Variants in TOPORS observed in about 807,000 individuals in gnomAD.
TOPORS encodes TOP1 binding arginine/serine rich protein, E3 ubiquitin ligase, also known as E3 ubiquitin-protein ligase Topors.
Under a neutral mutation model 81.4 loss-of-function variants are expected in TOPORS, and 25 were observed. The ratio of observed to expected loss-of-function variants is 0.31; its 90% CI spans 0.22 to 0.43. The LOEUF (loss-of-function observed/expected upper bound fraction) is 0.43. Among genes scored for constraint, TOPORS ranks in the 20% least tolerant of loss-of-function variants. TOPORS has a pLI of 1.00. For missense variants in TOPORS, 1,101 were observed against 1,267.0 expected (o/e 0.87, Z 1.99); for synonymous variants, 473 against 456.6 (o/e 1.04, Z -0.46).
At chr9:32,545,685 CA>C (rs1182702472) in intron 2 of TOPORS, among the ~76,000 whole-genome samples, 1 of 151,998 alleles carries the variant, frequency 6.6e-6, no homozygotes, top group African/African-American at 2.4e-5. Context: ...CGCTTGAACC[CA>C]GGAGGCAGAG....
At chr9:32,551,166 G>A in intron 1 of TOPORS, 198 bp from the exon 2 acceptor site, 2 of 666,444 alleles carry the variant, frequency 3.0e-6, no homozygotes, top group Non-Finnish European at 5.3e-6. Context: ...GACCCCGGAG[G>A]AGGGCAGCGC....
intron 2 of TOPORS, 95 bp from the exon 3 acceptor site, chr9:32,544,421 T>C: frequency 7.9e-7 from 1 of 1,272,782 alleles, no homozygotes; most frequent in Non-Finnish European, 1.1e-6. Flanking sequence ...GAAACTTATT[T>C]TGGTGAAAAT....
intron 2 of TOPORS, among the ~76,000 whole-genome samples, chr9:32,547,025 G>A (rs1159074802): frequency 7.2e-6 from 1 of 139,718 alleles, no homozygotes. Context: ...GTGACAGAAT[G>A]AGACCCTGTT....
intron 1 of TOPORS, 157 bp downstream of exon 1, chr9:32,552,277 G>T (rs1285759743): frequency 1.9e-6 from 2 of 1,051,444 alleles, no homozygotes; most frequent in Non-Finnish European, 2.9e-6. Context: ...CCCAACTCCG[G>T]GCGGAAGAGG....
At position 32,549,155 on chromosome 9, in the gene TOPORS, A is replaced by G. The variant is rs557533429; in HGVS notation, c.198+1619T>C. ...AAACCGTCTCTACTAAAAATACAAAAAATTAGCTGGGCGTAGCGACGGGCG... is the reference window on the plus strand; with the variant it reads ...AAACCGTCTCTACTAAAAATACAAAGAATTAGCTGGGCGTAGCGACGGGCG... On this transcript the variant is annotated intron_variant, in intron 2 of 2. Transcript: ENST00000360538. 2.0e-5 allele frequency among the ~76,000 whole-genome samples: 3 copies of G among 152,146 alleles called. No individual in the cohort carries two copies. The East Asian group carries it at 5.8e-4, about 29-fold the overall frequency.
rs1476337003 is a variant in TOPORS at position 32,543,252 on chromosome 9, A to T, written c.1273T>A (p.Tyr425Asn). 1.2e-5 allele frequency: 19 copies of T among 1,613,662 alleles called. No homozygotes were observed. Among genetic ancestry groups the T allele is most frequent in the Non-Finnish European group, 1.4e-5 (16 of 1,180,038 alleles). ...PWDDETPGPSYSSSEQVHVTM... is the reference protein window; with the variant it reads ...PWDDETPGPSNSSSEQVHVTM... The stretch of plus-strand genomic sequence containing the variant: ...ACGTGTACCTGCTCTGAGCTTGAGT[A>T]AGATGGTCCTGGAGTTTCATCATCC... The change falls in exon 3 of 3, where the codon TAC becomes AAC. Residue 425 changes from tyrosine (Y) to asparagine (N), a missense_variant. Transcript: ENST00000360538. This position sits in a 1 kb window ranked among gnomAD's most constrained non-coding sequence, Gnocchi z 5.6.
chr9:32,548,999 A>C (rs1745978050), intron 2 of TOPORS, among the ~76,000 whole-genome samples: 1 of 152,126 alleles, frequency 6.6e-6, no homozygotes, highest in Non-Finnish European at 1.5e-5. Context: ...TGTAGAATTA[A>C]AGTTAGACTT....
At position 32,542,529 on chromosome 9, in the gene TOPORS, T is replaced by G. The variant is rs1303738539; in HGVS notation, c.1996A>C (p.Ser666Arg). Residue 666 changes from serine to arginine, a missense_variant, in exon 3 of 3, where the codon AGC becomes CGC. This residue lies in a region of TOPORS where 605 missense variants were observed against 636.1 expected (regional missense o/e 0.95). Coordinates refer to ENST00000360538, the MANE Select transcript of TOPORS (RefSeq NM_005802.5). ...CTACGAGACCTTGATCTGCTTGTGC[T>G]TTCACTACTTAGAGACAGAGTTTGG... ...RSQTLSLSSE[S>R]TSRSRSRSSD... 1.9e-6 allele frequency: 3 copies of G among 1,614,030 alleles called. No individual in the cohort carries two copies. The East Asian group carries it at 6.7e-5, about 36-fold the overall frequency.
At chr9:32,548,271 C>G (rs1821168292) in intron 2 of TOPORS, among the ~76,000 whole-genome samples, 2 of 151,582 alleles carry the variant, frequency 1.3e-5, no homozygotes, top group Non-Finnish European at 2.9e-5. Flanking sequence ...CGCCTGTAAT[C>G]TCAACACTTT....
At chr9:32,550,189 C>T (rs1821208730) in intron 2 of TOPORS, among the ~76,000 whole-genome samples, 1 of 152,146 alleles carries the variant, frequency 6.6e-6, no homozygotes, top group African/African-American at 2.4e-5. Context: ...CAGCACTGCC[C>T]CCTTCCAGCC....
intron 2 of TOPORS, among the ~76,000 whole-genome samples, chr9:32,547,358 C>T (rs1316959391): frequency 1.3e-5 from 2 of 152,090 alleles, no homozygotes; most frequent in Non-Finnish European, 2.9e-5. Context: ...CCTAGATATA[C>T]CCAAGGGAAA....
At chr9:32,550,235 T>C (rs1345072710) in intron 2 of TOPORS, among the ~76,000 whole-genome samples, 3 of 152,094 alleles carry the variant, frequency 2.0e-5, no homozygotes. Flanking sequence ...CTGCAGTAAA[T>C]GGATGGATGA....
chr9:32,546,489 C>A (rs936639015), intron 2 of TOPORS, among the ~76,000 whole-genome samples: 4 of 152,162 alleles, frequency 2.6e-5, no homozygotes, highest in Admixed American at 2.6e-4. Flanking sequence ...CTTTAGTTTT[C>A]TCCTCTATAT....
In TOPORS at chr9:32,542,368, A is replaced by G; in HGVS notation, c.2157T>C (p.Ser719=). The change falls in exon 3 of 3, where the codon TCT becomes TCC. Residue 719 remains serine, a synonymous_variant. Transcript: ENST00000360538. Reference sequence around the variant, plus strand: ...CTCTGGACAGAGTCCTCCTCCTGTAAGATGATTCGTACCCATCCCTGTCCT... The same window carrying G: ...CTCTGGACAGAGTCCTCCTCCTGTAGGATGATTCGTACCCATCCCTGTCCT... The part of the protein sequence containing the change: ...RNKDRDGYES[S]YRRRTLSRAH... The G allele has an allele frequency of 3.7e-6, 6 of 1,614,122 alleles. No individual in the cohort carries two copies. The highest frequency in any genetic ancestry group is 5.1e-6 in the Non-Finnish European group (6 of 1,180,006).
At position 32,552,182 on chromosome 9, in the gene TOPORS, A is replaced by C. The variant is rs961748317; in HGVS notation, c.3+252T>G. ...CCTATCTCCTTAGTTGGCAAAAAAA[A>C]AAAAAAAAAAGCAATTTTTAACATT... is the stretch of plus-strand genomic sequence containing the variant. On this transcript the variant is annotated intron_variant, in intron 1 of 2. Coordinates refer to ENST00000360538, the MANE Select transcript of TOPORS (RefSeq NM_005802.5). 1.8e-5 allele frequency: 11 copies of C among 597,198 alleles called. No homozygotes were observed. The African/African-American group carries it at 2.1e-4, about 11-fold the overall frequency. 37.0% of individuals were successfully genotyped at this position (597,198 alleles called of 1,614,324 possible).
rs767830586 is a variant in TOPORS at position 32,542,919 on chromosome 9, G to A, written c.1606C>T (p.His536Tyr). ...TGTTCATCCTTTCCAAGGACAGAGT[G>A]TGGAGATGAGCATCTACTAACATCG... ...DSDVSRCSSP[H>Y]SVLGKDEQIN... Residue 536 changes from histidine (H) to tyrosine (Y), a missense_variant, in exon 3 of 3, where the codon CAC (histidine) becomes TAC (tyrosine). His to Tyr is a moderately conservative substitution (Grantham distance 83). Transcript: ENST00000360538. 1.4e-5 allele frequency: 23 copies of A among 1,614,188 alleles called. No individual in the cohort carries two copies. The highest frequency in any genetic ancestry group is 1.7e-5 in the Non-Finnish European group (20 of 1,180,024).
At chr9:32,551,315 T>C in intron 1 of TOPORS, 1 of 444,674 alleles carries the variant, frequency 2.2e-6, no homozygotes, top group Non-Finnish European at 4.2e-6. Context: ...TAGGAAATTA[T>C]CTTTAGTGTC....
rs755752383 is a variant in TOPORS at position 32,541,417 on chromosome 9, T to C, written c.3108A>G (p.Val1036=). 9 of 1,614,210 alleles carry C rather than the reference T, an allele frequency of 5.6e-6. No homozygotes were observed. In the South Asian group the frequency reaches 6.6e-5, roughly 12 times the overall value. ...ACATATCACAGTCTCTACCAAGACA[T>C]ACTGACATTAATGATGTCCGTGGCG... is the stretch of plus-strand genomic sequence containing the variant. ...LPSPRTSLMS[V]CLGRDCDMS Residue 1036 remains valine (V), a synonymous_variant, in exon 3 of 3, where the codon GTA becomes GTG. Coordinates refer to ENST00000360538, the MANE Select transcript of TOPORS (RefSeq NM_005802.5).
chr9:32,552,274 C>A (rs766186161), intron 1 of TOPORS, 160 bp downstream of exon 1: 286 of 1,016,568 alleles, frequency 2.8e-4, no homozygotes, highest in Admixed American at 5.0e-4. Flanking sequence ...CCCCCCAACT[C>A]CGGGCGGAAG....
Sources: allele counts gnomAD v4.1 joint callset (sites outside exome capture counted in the v4.1 genomes callset), GRCh38; gene constraint gnomAD v4.1.1; regional missense constraint gnomAD v4.1.1; non-coding constraint Gnocchi (gnomAD v3.1); transcripts MANE v1.5; gene names NCBI Gene and HGNC (gene_info 2026-07-23, HGNC 2026-07-21).